The following ZNF189 variants were observed in gnomAD, a reference collection of about 807,000 sequenced individuals.
ZNF189 encodes zinc finger protein 189.
In ZNF189, 33 loss-of-function variants were observed where a neutral mutation model predicts 53.5. The observed-to-expected ratio is 0.62, with a 90% CI of 0.47 to 0.82. The LOEUF (loss-of-function observed/expected upper bound fraction) is 0.82, where lower values mean the gene tolerates loss of function less well. ZNF189 is among the 40% of genes least tolerant of loss of function. The probability of loss-of-function intolerance (pLI) is 0.00; values close to 1 mark genes in which losing one functional copy is unlikely to be tolerated. For missense variants in ZNF189, 711 were observed against 753.9 expected, an observed-to-expected ratio of 0.94 and a Z score of 0.67; for synonymous variants, 247 against 238.8, an observed-to-expected ratio of 1.03 and a Z score of -0.32.
Position 101,399,032 on chromosome 9 carries a change from TG to T in ZNF189, c.-123del, listed in dbSNP as rs1247793606. 5 of 768,878 alleles carry T rather than the reference TG, an allele frequency of 6.5e-6. No homozygotes were observed. The highest frequency in any genetic ancestry group is 1.2e-5 in the Non-Finnish European group (5 of 430,462). The allele number at this position is 768,878 out of a possible 1,614,324, so 47.6% of individuals were successfully genotyped here. A position where few individuals can be genotyped will look rare whatever the true frequency, so the allele number is the denominator to read the frequency against. ...ACCGTCTGGGGGCCGAGGCAGGCAC[TG>T]GCCAGACCCAGCCAGGGATCCTCGT... On this transcript the variant is annotated 5_prime_UTR_variant, in exon 1 of 3. Coordinates refer to ENST00000339664, the MANE Select transcript of ZNF189 (RefSeq NM_003452.4).
rs561662981 is a variant in ZNF189, at chr9:101,406,393, A to G, written c.161-1536A>G. 1.2e-4 allele frequency among the ~76,000 whole-genome samples: 18 copies of G among 152,316 alleles called. 2 individuals carry two copies. The South Asian group carries it at 3.7e-3, about 32-fold the overall frequency. On this transcript the variant is annotated intron_variant, in intron 2 of 2. Transcript: ENST00000339664. Reference sequence around the variant, plus strand: ...TGCCCAGAGGTGAGTAGGATCGGTAAGTGATGGATGGATTAGCCTTGCATA... The same window carrying G: ...TGCCCAGAGGTGAGTAGGATCGGTAGGTGATGGATGGATTAGCCTTGCATA...
chr9:101,407,542 A>G (rs1830759332), intron 2 of ZNF189: 1 of 407,318 alleles, frequency 2.5e-6, no homozygotes, highest in South Asian at 1.2e-4. Flanking sequence ...GGTGTGTACC[A>G]CCATGTCTGG....
intron 2 of ZNF189, among the ~76,000 whole-genome samples, chr9:101,403,111 T>C (rs1830592635): frequency 1.3e-5 from 2 of 151,854 alleles, no homozygotes; most frequent in African/African-American, 4.8e-5. Context: ...TGTGTGTGTG[T>C]GTGTGTGTGT....
At chr9:101,400,153 A>T in intron 2 of ZNF189, 143 bp downstream of exon 2, 1 of 1,141,806 alleles carries the variant, frequency 8.8e-7, no homozygotes, top group Non-Finnish European at 1.2e-6. Context: ...AATTGTTTCC[A>T]TAACTCTCAT....
Position 101,408,958 on chromosome 9 carries a change from A to G in ZNF189, c.1190A>G (p.Asp397Gly), listed in dbSNP as rs1386087526. 2 of 1,614,010 alleles carry G rather than the reference A, an allele frequency of 1.2e-6. No homozygotes were observed. Among genetic ancestry groups the G allele is most frequent in the Non-Finnish European group, 1.7e-6 (2 of 1,179,988 alleles). The change falls in exon 3 of 3, where the codon GAC (aspartate) becomes GGC (glycine). Residue 397 changes from aspartate to glycine, a missense_variant. By Grantham distance (94) the Asp-to-Gly change is moderately conservative. Coordinates refer to ENST00000339664, the MANE Select transcript of ZNF189 (RefSeq NM_003452.4). ...LTRHQRIHTG[D>G]KPHKCEECGK... ...CGTCATCAGAGAATTCACACAGGAG[A>G]CAAGCCCCATAAATGTGAGGAATGT...
chr9:101,406,809 G>A (rs1056640285), intron 2 of ZNF189, among the ~76,000 whole-genome samples: 1 of 152,148 alleles, frequency 6.6e-6, no homozygotes, highest in Non-Finnish European at 1.5e-5. Flanking sequence ...TCCGAAGCGG[G>A]CCTAGATGTA....
intron 2 of ZNF189, among the ~76,000 whole-genome samples, chr9:101,400,724 T>C (rs16920305): frequency 0.032 from 4,938 of 152,300 alleles, 271 homozygotes; most frequent in African/African-American, 0.11. Flanking sequence ...CTTTCCACTT[T>C]TACTCAGCAC....
chr9:101,399,200 A>G lies in ZNF189; in HGVS notation c.33+11A>G, dbSNP rs1564065625. The G allele has an allele frequency of 4.5e-6, 7 of 1,569,436 alleles. No individual in the cohort carries two copies. The highest frequency in any genetic ancestry group is 2.8e-5 in the African/African-American group (2 of 71,620). On this transcript the variant is annotated intron_variant, in intron 1 of 2. Transcript: ENST00000339664. ...CCGCCGGAGTCGAAGGTAAGTAAGC[A>G]CCCCCCCGGGGATCCCGGTTGTCTC...
chr9:101,404,559 C>A (rs746723866), intron 2 of ZNF189, among the ~76,000 whole-genome samples: 13 of 151,988 alleles, frequency 8.6e-5, no homozygotes, highest in African/African-American at 1.2e-4. Context: ...TTTTTTGTTA[C>A]TATTGTGAAG....
intron 2 of ZNF189, chr9:101,407,490 A>G: frequency 2.5e-6 from 1 of 399,934 alleles, no homozygotes. Flanking sequence ...GGCTTAAGTG[A>G]TCAATCCTCC....
At chr9:101,402,554 A>G (rs1396521025) in intron 2 of ZNF189, among the ~76,000 whole-genome samples, 1 of 152,184 alleles carries the variant, frequency 6.6e-6, no homozygotes, top group African/African-American at 2.4e-5. Context: ...GCAAGTTTCA[A>G]TCCATTAAAA....
chr9:101,408,445 A>G lies in ZNF189; in HGVS notation c.677A>G (p.His226Arg), dbSNP rs924989310. ...SSTLIRHQRI[H>R]TGERPYQCNQ... ...ACCCTTATTAGACATCAGAGAATCC[A>G]CACTGGAGAAAGACCCTATCAGTGT... The change falls in exon 3 of 3, where the codon CAC becomes CGC. Residue 226 changes from histidine to arginine, a missense_variant. His to Arg is a conservative substitution (Grantham distance 29, BLOSUM62 0). Coordinates refer to ENST00000339664, the MANE Select transcript of ZNF189 (RefSeq NM_003452.4). 43 of 1,613,980 alleles carry G rather than the reference A, an allele frequency of 2.7e-5. No individual in the cohort carries two copies. The highest frequency in any genetic ancestry group is 3.4e-5 in the Non-Finnish European group (40 of 1,180,020).
chr9:101,410,039 CATG>C lies in ZNF189; in HGVS notation c.*393_*395del, dbSNP rs1327452136. On this transcript the variant is annotated 3_prime_UTR_variant, in exon 3 of 3. Coordinates refer to ENST00000339664, the MANE Select transcript of ZNF189 (RefSeq NM_003452.4). ...TGTCATATTGTGGTTCTTTCAGTTCCATGATATGTTTGGCTCTGCATGCCAAAG... is the reference window on the plus strand; with the variant it reads ...TGTCATATTGTGGTTCTTTCAGTTCCATATGTTTGGCTCTGCATGCCAAAG... The C allele has an allele frequency of 6.1e-6, 1 of 163,934 alleles. No homozygotes were observed. Among genetic ancestry groups the C allele is most frequent in the African/African-American group, 2.4e-5 (1 of 41,684 alleles). The allele number at this position is 163,934 out of a possible 1,614,324, so 10.2% of individuals were successfully genotyped here.
chr9:101,409,524 CA>C lies in ZNF189; in HGVS notation c.1757del (p.His586LeufsTer8). 6.2e-7 allele frequency: 1 copy of C among 1,613,982 alleles called. No homozygotes were observed. Among genetic ancestry groups the C allele is most frequent in the Non-Finnish European group, 8.5e-7 (1 of 1,179,994 alleles). ...CAGTCAACAGCGCAGTCTTGTCAACCATCAGAAGATCCATGCAGAGGTGAAA... is the reference window on the plus strand; with the variant it reads ...CAGTCAACAGCGCAGTCTTGTCAACCTCAGAAGATCCATGCAGAGGTGAAA... Reference protein sequence around the residue: ...SFSQQRSLVNHQKIHAEVKTQ... With the variant: ...SFSQQRSLVNXQKIHAEVKTQ... On this transcript the variant is annotated frameshift_variant, in exon 3 of 3. Coordinates refer to ENST00000339664, the MANE Select transcript of ZNF189 (RefSeq NM_003452.4). LOFTEE classifies it high-confidence loss of function.
rs949732871 is a variant in ZNF189 at position 101,409,903 on chromosome 9, C to G, written c.*254C>G. 1 of 418,554 alleles carries G rather than the reference C, an allele frequency of 2.4e-6. No individual in the cohort carries two copies. Among genetic ancestry groups the G allele is most frequent in the Non-Finnish European group, 4.2e-6 (1 of 236,474 alleles). The allele number at this position is 418,554 out of a possible 1,614,324, so 25.9% of individuals were successfully genotyped here. On this transcript the variant is annotated 3_prime_UTR_variant, in exon 3 of 3. Coordinates refer to ENST00000339664, the MANE Select transcript of ZNF189 (RefSeq NM_003452.4). ...TAAATCTTTCAGCAGAGAGATTAAA[C>G]CTAGGTTCAGAGCATGGGTGCTCTG...
intron 2 of ZNF189, among the ~76,000 whole-genome samples, chr9:101,405,511 C>T (rs1384786377): frequency 6.6e-6 from 1 of 152,100 alleles, no homozygotes; most frequent in Non-Finnish European, 1.5e-5. Context: ...TGATGATGAC[C>T]ATGTTAATTG....
In ZNF189 at chr9:101,407,916, TTTA is replaced by T. The variant is rs1448218834; in HGVS notation, c.161-7_161-5del. The T allele has an allele frequency of 2.0e-6, 3 of 1,512,144 alleles. No individual in the cohort carries two copies. The highest frequency in any genetic ancestry group is 2.6e-6 in the Non-Finnish European group (3 of 1,134,752). 93.7% of individuals were successfully genotyped at this position (1,512,144 alleles called of 1,614,324 possible). A position where few individuals can be genotyped will look rare whatever the true frequency, so the allele number is the denominator to read the frequency against. On this transcript the variant is annotated splice_polypyrimidine_tract_variant and intron_variant, in intron 2 of 2. Coordinates refer to ENST00000339664, the MANE Select transcript of ZNF189 (RefSeq NM_003452.4). ...CCTTGGTTGATCTTTGTATTTCCTT[TTTA>T]TTATTCCAGATGTTTTGAACAGAGA...
At chr9:101,402,986 T>C (rs1480708264) in intron 2 of ZNF189, among the ~76,000 whole-genome samples, 1 of 152,204 alleles carries the variant, frequency 6.6e-6, no homozygotes, top group Non-Finnish European at 1.5e-5. Context: ...ATGATAAAAA[T>C]CTTAATTTCT....
At chr9:101,403,450 A>G (rs1328905898) in intron 2 of ZNF189, among the ~76,000 whole-genome samples, 1 of 152,188 alleles carries the variant, frequency 6.6e-6, no homozygotes, top group Non-Finnish European at 1.5e-5. Context: ...GCAATGCAGT[A>G]TTCTCTTCTA....
Sources: gnomAD v4.1 joint callset for allele counts (sites outside exome capture counted in the v4.1 genomes callset) on GRCh38, gnomAD v4.1.1 for gene constraint, MANE v1.5 for transcripts, NCBI Gene and HGNC (gene_info 2026-07-23, HGNC 2026-07-21) for gene names.